CDK14: variants seen among roughly 807,000 people sequenced by gnomAD.
CDK14 encodes cyclin dependent kinase 14.
Under a neutral mutation model 60.7 loss-of-function variants are expected in CDK14, and 34 were observed. The observed-to-expected ratio is 0.56, with a 90% CI of 0.43 to 0.75. The LOEUF (loss-of-function observed/expected upper bound fraction) is 0.75, where lower values mean the gene tolerates loss of function less well. Among genes scored for constraint, CDK14 ranks in the 30% least tolerant of loss-of-function variants. The probability of loss-of-function intolerance (pLI) is 0.00; values close to 1 mark genes in which losing one functional copy is unlikely to be tolerated. For missense variants in CDK14, 482 were observed against 564.1 expected, an observed-to-expected ratio of 0.85 and a Z score of 1.47; for synonymous variants, 197 against 203.7, an observed-to-expected ratio of 0.97 and a Z score of 0.28.
At chr7:90,805,408 A>G (rs758063041) in intron 5 of CDK14, among the ~76,000 whole-genome samples, 5 of 147,334 alleles carry the variant, frequency 3.4e-5, no homozygotes, top group Non-Finnish European at 6.0e-5. Flanking sequence ...AAGGCTTAAC[A>G]AACTTTGAAT....
At chr7:90,775,256 C>T (rs191672511) in intron 4 of CDK14, among the ~76,000 whole-genome samples, 161 of 152,242 alleles carry the variant, frequency 1.1e-3, no homozygotes, top group African/African-American at 3.4e-3. Flanking sequence ...TCATTCTCAT[C>T]GCGATGCTGT....
At chr7:90,733,879 A>G (rs527450517) in intron 3 of CDK14, among the ~76,000 whole-genome samples, 1 of 152,300 alleles carries the variant, frequency 6.6e-6, no homozygotes, top group South Asian at 2.1e-4. Flanking sequence ...TTTGCCCATT[A>G]GTTGATGCAG....
At chr7:91,151,649 G>C (rs540181910) in intron 14 of CDK14, among the ~76,000 whole-genome samples, 1 of 152,074 alleles carries the variant, frequency 6.6e-6, no homozygotes, top group African/African-American at 2.4e-5. Context: ...CCCTCTTGGC[G>C]GTCCACATTT....
intron 5 of CDK14, among the ~76,000 whole-genome samples, chr7:90,800,663 T>A (rs1453683538): frequency 6.6e-6 from 1 of 152,202 alleles, no homozygotes; most frequent in Non-Finnish European, 1.5e-5. Flanking sequence ...CAATTGATAA[T>A]TAACCAGTCT....
intron 10 of CDK14, among the ~76,000 whole-genome samples, chr7:90,997,075 CA>C (rs1205071009): frequency 6.6e-6 from 1 of 152,170 alleles, no homozygotes; most frequent in East Asian, 1.9e-4. Flanking sequence ...TCCCCCTCAC[CA>C]GTGAATTTTT....
intron 9 of CDK14, among the ~76,000 whole-genome samples, chr7:90,982,306 T>C (rs802397): frequency 0.75 from 113,630 of 152,090 alleles, 42,534 homozygotes; most frequent in East Asian, 0.77. Context: ...CTATCAAGAG[T>C]AAATAGGCGA....
At chr7:90,859,339 A>G (rs1033920562) in intron 5 of CDK14, among the ~76,000 whole-genome samples, 1 of 152,236 alleles carries the variant, frequency 6.6e-6, no homozygotes, top group Non-Finnish European at 1.5e-5. Flanking sequence ...AGCAGTAACA[A>G]TAGTTCTGAT....
At chr7:90,722,054 C>A (rs1693214616) in intron 2 of CDK14, among the ~76,000 whole-genome samples, 2 of 152,072 alleles carry the variant, frequency 1.3e-5, no homozygotes, top group African/African-American at 4.8e-5. Flanking sequence ...TCTCTTCATG[C>A]ACTCTGGATA....
At chr7:91,077,922 T>C (rs369106173) in intron 11 of CDK14, among the ~76,000 whole-genome samples, 6 of 152,082 alleles carry the variant, frequency 3.9e-5, no homozygotes, top group Admixed American at 3.9e-4. Flanking sequence ...GTAGAAGAAA[T>C]GTAAATGGCC....
At chr7:91,193,081 T>C (rs1802421159) in intron 14 of CDK14, among the ~76,000 whole-genome samples, 2 of 152,352 alleles carry the variant, frequency 1.3e-5, no homozygotes, top group East Asian at 1.9e-4. Flanking sequence ...AAGGTGTCTC[T>C]AGATCATGCC....
chr7:91,200,108 T>G (rs1037515386), intron 14 of CDK14, among the ~76,000 whole-genome samples: 1 of 152,206 alleles, frequency 6.6e-6, no homozygotes. Context: ...AAAGAAAACC[T>G]GTATTTCTAG....
At chr7:90,674,127 G>A (rs1801152178) in intron 2 of CDK14, among the ~76,000 whole-genome samples, 1 of 152,154 alleles carries the variant, frequency 6.6e-6, no homozygotes, top group Non-Finnish European at 1.5e-5. Flanking sequence ...AAATTGCACA[G>A]AAATTCTGAA....
chr7:90,833,158 C>G lies in CDK14; in HGVS notation c.545-30017C>G, dbSNP rs149449242. Among the ~76,000 whole-genome samples the G allele has an allele frequency of 2.7e-3, 417 of 152,270 alleles. 2 individuals are homozygous for G. The highest frequency in any genetic ancestry group is 9.7e-3 in the African/African-American group (405 of 41,562). On this transcript the variant is annotated intron_variant, in intron 5 of 14. Coordinates refer to ENST00000380050, the MANE Select transcript of CDK14 (RefSeq NM_001287135.2). Reference sequence around the variant, plus strand: ...CATGAGCTCATTTTGTTTTAAATCTCATTCATGTTCTATAAAGATGGGGAT... The same window carrying G: ...CATGAGCTCATTTTGTTTTAAATCTGATTCATGTTCTATAAAGATGGGGAT...
intron 10 of CDK14, among the ~76,000 whole-genome samples, chr7:91,015,286 C>T (rs574888473): frequency 3.9e-5 from 6 of 152,082 alleles, no homozygotes; most frequent in Non-Finnish European, 7.4e-5. Flanking sequence ...TCCCTGTTTT[C>T]ACTCCCTTAC....
At chr7:91,184,082 A>G (rs1309335532) in intron 14 of CDK14, among the ~76,000 whole-genome samples, 2 of 151,864 alleles carry the variant, frequency 1.3e-5, no homozygotes, top group Non-Finnish European at 2.9e-5. Flanking sequence ...TTTAATAGAC[A>G]TAATCCCAGC....
intron 12 of CDK14, among the ~76,000 whole-genome samples, chr7:91,084,254 A>G (rs569897186): frequency 3.3e-5 from 5 of 152,216 alleles, no homozygotes; most frequent in Non-Finnish European, 7.3e-5. Context: ...CGCCGCAGCC[A>G]TGGGTGGGGA....
At chr7:91,203,828 A>T (rs1027272461) in intron 14 of CDK14, among the ~76,000 whole-genome samples, 1 of 152,186 alleles carries the variant, frequency 6.6e-6, no homozygotes, top group African/African-American at 2.4e-5. Flanking sequence ...TTGAAGTACT[A>T]TGAGGATGAG....
chr7:91,202,155 T>C (rs185208741), intron 14 of CDK14, among the ~76,000 whole-genome samples: 5 of 152,202 alleles, frequency 3.3e-5, no homozygotes, highest in East Asian at 1.9e-4. Flanking sequence ...TTTAAGAAAA[T>C]TGAATCCAAA....
At chr7:90,994,478 C>T (rs979174114) in intron 10 of CDK14, among the ~76,000 whole-genome samples, 1 of 152,162 alleles carries the variant, frequency 6.6e-6, no homozygotes, top group Non-Finnish European at 1.5e-5. Flanking sequence ...GGACATAGAT[C>T]CCATTTGTAC....
Sources: allele counts gnomAD v4.1 joint callset (sites outside exome capture counted in the v4.1 genomes callset), GRCh38; gene constraint gnomAD v4.1.1; transcripts MANE v1.5; gene names NCBI Gene and HGNC (gene_info 2026-07-23, HGNC 2026-07-21).